Variants in SLC66A2 observed in about 807,000 individuals in gnomAD.
SLC66A2 encodes PQ loop repeat containing 1.
In SLC66A2, 23 loss-of-function variants were observed where a neutral mutation model predicts 25.5. The ratio of observed to expected loss-of-function variants is 0.90; its 90% CI spans 0.65 to 1.28. SLC66A2 has a LOEUF of 1.28. Ranked by LOEUF, SLC66A2 falls within the 50% of genes most tolerant of loss-of-function variation. The pLI, the probability that SLC66A2 is intolerant of heterozygous loss-of-function variation, is 0.00. For missense variants in SLC66A2, 396 were observed against 373.1 expected, an observed-to-expected ratio of 1.06 and a Z score of -0.51; for synonymous variants, 193 against 166.5, an observed-to-expected ratio of 1.16 and a Z score of -1.23.
intron 5 of SLC66A2, among the ~76,000 whole-genome samples, chr18:79,911,676 G>T (rs538182524): frequency 2.0e-5 from 3 of 152,318 alleles, no homozygotes; most frequent in East Asian, 3.9e-4. Context: ...CATGGCACGG[G>T]GACTGGAATC....
chr18:79,903,886 CA>C lies in SLC66A2; in HGVS notation c.*89del. 1.6e-6 allele frequency: 2 copies of C among 1,222,116 alleles called. No individual in the cohort carries two copies. Among genetic ancestry groups the C allele is most frequent in the South Asian group, 2.8e-5 (2 of 71,856 alleles). 75.7% of individuals were successfully genotyped at this position (1,222,116 alleles called of 1,614,324 possible). A position where few individuals can be genotyped will look rare whatever the true frequency, so the allele number is the denominator to read the frequency against. On this transcript the variant is annotated 3_prime_UTR_variant, in exon 6 of 6. Transcript: ENST00000397778. ...CCATGCCCCATCTCTGCCACACCTG[CA>C]GGGGCCACAGCACCCACCCTCCCCG...
At chr18:79,939,227 A>G (rs987486992) in intron 3 of SLC66A2, among the ~76,000 whole-genome samples, 1 of 152,244 alleles carries the variant, frequency 6.6e-6, no homozygotes, top group Non-Finnish European at 1.5e-5. Context: ...CCATGAGCAC[A>G]GTGAAATGCA....
At chr18:79,929,795 T>C (rs1986379630) in intron 4 of SLC66A2, among the ~76,000 whole-genome samples, 1 of 152,174 alleles carries the variant, frequency 6.6e-6, no homozygotes, top group Admixed American at 6.5e-5. Context: ...ATTCTGGCAT[T>C]GCAAAGCACA....
intron 5 of SLC66A2, among the ~76,000 whole-genome samples, chr18:79,911,544 C>A (rs1290122904): frequency 4.6e-5 from 7 of 152,254 alleles, no homozygotes; most frequent in East Asian, 1.9e-4. Flanking sequence ...GGGGCCCTGA[C>A]GCACAGGTGC....
chr18:79,906,109 T>C (rs1385697610), intron 5 of SLC66A2, among the ~76,000 whole-genome samples: 1 of 152,262 alleles, frequency 6.6e-6, no homozygotes, highest in African/African-American at 2.4e-5. Flanking sequence ...CAGAATATCC[T>C]CTTCCATACC....
In SLC66A2 at chr18:79,933,955, C is replaced by T. The variant is rs775323565; in HGVS notation, c.391+14G>A. On this transcript the variant is annotated intron_variant, in intron 4 of 5. Coordinates refer to ENST00000397778, the MANE Select transcript of SLC66A2 (RefSeq NM_025078.5). The stretch of plus-strand genomic sequence containing the variant: ...AGGAACGTGCTGCGGACAGTGCACG[C>T]GCAGGGTACATACCCAGGAAGGACC... 159 of 1,609,482 alleles carry T rather than the reference C, an allele frequency of 9.9e-5. No homozygotes were observed. The highest frequency in any genetic ancestry group is 1.2e-4 in the Non-Finnish European group (140 of 1,177,910).
intron 5 of SLC66A2, among the ~76,000 whole-genome samples, chr18:79,915,095 A>C (rs1256864671): frequency 6.6e-6 from 1 of 152,224 alleles, no homozygotes; most frequent in Non-Finnish European, 1.5e-5. Context: ...TGCAGAGGCA[A>C]CGTCCCCACA....
At chr18:79,923,649 A>G (rs968513349) in intron 4 of SLC66A2, among the ~76,000 whole-genome samples, 2 of 152,216 alleles carry the variant, frequency 1.3e-5, no homozygotes, top group East Asian at 1.9e-4. Flanking sequence ...AGAAGAAAAC[A>G]TGAGGAAACA....
chr18:79,933,795 T>C (rs1315074354), intron 4 of SLC66A2, among the ~76,000 whole-genome samples, 174 bp downstream of exon 4: 1 of 151,286 alleles, frequency 6.6e-6, no homozygotes, highest in Non-Finnish European at 1.5e-5. Context: ...TAGTAACTAC[T>C]TCATGCTTGA....
chr18:79,903,851 A>AC lies in SLC66A2; in HGVS notation c.*124dup, dbSNP rs1981594732. 5 of 768,714 alleles carry AC rather than the reference A, an allele frequency of 6.5e-6. No individual in the cohort carries two copies. In the East Asian group the frequency reaches 1.4e-4, roughly 22 times the overall value. The allele number at this position is 768,714 out of a possible 1,614,324, so 47.6% of individuals were successfully genotyped here. A position where few individuals can be genotyped will look rare whatever the true frequency, so the allele number is the denominator to read the frequency against. On this transcript the variant is annotated 3_prime_UTR_variant, in exon 6 of 6. Coordinates refer to ENST00000397778, the MANE Select transcript of SLC66A2 (RefSeq NM_025078.5). Reference sequence around the variant, plus strand: ...AGACACCCCACAGAGGCTGATGGAGACCCCAATGCCCATGCCCCATCTCTG... The same window carrying AC: ...AGACACCCCACAGAGGCTGATGGAGACCCCCAATGCCCATGCCCCATCTCTG...
At position 79,950,988 on chromosome 18, in the gene SLC66A2, G is replaced by C; in HGVS notation, c.-62C>G. ...GCGCCCCGCGGGCCACCGGCCGCCT[G>C]CTCATCGCCGCTCCGCGCGCTCCTG... is the stretch of plus-strand genomic sequence containing the variant. On this transcript the variant is annotated 5_prime_UTR_variant, in exon 2 of 6. Transcript: ENST00000397778. The C allele has an allele frequency of 1.6e-6, 2 of 1,262,644 alleles. No homozygotes were observed. Among genetic ancestry groups the C allele is most frequent in the East Asian group, 6.1e-5 (2 of 32,888 alleles). The allele number at this position is 1,262,644 out of a possible 1,614,324, so 78.2% of individuals were successfully genotyped here.
intron 2 of SLC66A2, among the ~76,000 whole-genome samples, chr18:79,949,117 C>T (rs994378683): frequency 3.3e-5 from 5 of 152,192 alleles, no homozygotes; most frequent in African/African-American, 1.2e-4. Context: ...ACAAACCTCC[C>T]TGCCTCAGAG....
intron 3 of SLC66A2, among the ~76,000 whole-genome samples, chr18:79,936,486 A>T (rs957231932): frequency 6.6e-6 from 1 of 152,188 alleles, no homozygotes; most frequent in African/African-American, 2.4e-5. Flanking sequence ...ATTTCAGGAC[A>T]TCTTCAGCAC....
intron 3 of SLC66A2, 66 bp downstream of exon 3, chr18:79,943,263 T>C (rs1987847204): frequency 6.4e-7 from 1 of 1,572,774 alleles, no homozygotes; most frequent in Non-Finnish European, 8.6e-7. Context: ...AGAGTGGCTT[T>C]TGTTTCACCA....
At chr18:79,943,993 A>G in intron 2 of SLC66A2, 1 of 166,364 alleles carries the variant, frequency 6.0e-6, no homozygotes, top group Non-Finnish European at 1.3e-5. Flanking sequence ...GGCAAACACC[A>G]CAGTGACCAG....
chr18:79,909,083 G>A (rs1027579476), intron 5 of SLC66A2, among the ~76,000 whole-genome samples: 9 of 152,236 alleles, frequency 5.9e-5, no homozygotes, highest in Admixed American at 5.9e-4. Context: ...GCAGTGAGAT[G>A]TGAGTCTTCC....
chr18:79,924,872 C>T (rs893667850), intron 4 of SLC66A2: 1 of 152,178 alleles, frequency 6.6e-6, no homozygotes. Context: ...AGCCATCTAC[C>T]ATTAGCTGTC....
chr18:79,922,017 G>C (rs1985296997), intron 4 of SLC66A2, among the ~76,000 whole-genome samples: 1 of 148,402 alleles, frequency 6.7e-6, no homozygotes, highest in African/African-American at 2.6e-5. Flanking sequence ...ACGGGAACTT[G>C]GGAGCAGAGT....
intron 2 of SLC66A2, among the ~76,000 whole-genome samples, chr18:79,945,487 C>T (rs979201524): frequency 1.3e-5 from 2 of 152,150 alleles, no homozygotes. Context: ...TCACCCAGGT[C>T]AGCAGGGGCC....
Sources: allele counts gnomAD v4.1 joint callset (sites outside exome capture counted in the v4.1 genomes callset), GRCh38; gene constraint gnomAD v4.1.1; transcripts MANE v1.5; gene names NCBI Gene and HGNC (gene_info 2026-07-23, HGNC 2026-07-21).